The following MCRIP2 variants were observed in gnomAD, a reference collection of about 807,000 sequenced individuals.
MCRIP2 encodes MAPK regulated corepressor interacting protein 2, also known as MAPK regulated co-repressor interacting protein 2.
In MCRIP2, 21 loss-of-function variants were observed where a neutral mutation model predicts 23.2. That is an observed-to-expected ratio of 0.90 (90% CI 0.64 to 1.30). MCRIP2 has a LOEUF of 1.30. Ranked by LOEUF, MCRIP2 falls within the 50% of genes most tolerant of loss-of-function variation. The probability of loss-of-function intolerance (pLI) is 0.00; values close to 1 mark genes in which losing one functional copy is unlikely to be tolerated. For synonymous variants in MCRIP2, 121 were observed against 100.2 expected (o/e 1.21, Z -1.24); for missense variants, 234 against 223.2 (o/e 1.05, Z -0.31).
chr16:647,374 C>T (rs1322850090), intron 2 of MCRIP2, 43 bp from the exon 3 acceptor site: 1 of 1,607,172 alleles, frequency 6.2e-7, no homozygotes. Flanking sequence ...AGCACCGCAC[C>T]TGGGATGGGC....
chr16:646,337 G>C lies in MCRIP2; in HGVS notation c.183-1080G>C, dbSNP rs1680840925. The C allele has an allele frequency of 2.0e-5, 3 of 152,298 alleles. No homozygotes were observed. The South Asian group carries it at 6.2e-4, about 32-fold the overall frequency. 9.4% of individuals were successfully genotyped at this position (152,298 alleles called of 1,614,324 possible). ...GGTTTGTGCAGAAACTCAGGCAGCG[G>C]GCAGGCCTGGGAGGTGCCCCTGCCC... On this transcript the variant is annotated intron_variant, in intron 2 of 4. Transcript: ENST00000307650. This position sits in a 1 kb window ranked among gnomAD's most constrained non-coding sequence, Gnocchi z 6.5.
Position 646,965 on chromosome 16 carries a change from G to GTC in MCRIP2, c.183-452_183-451insTC. The GTC allele has an allele frequency of 7.3e-4, 119 of 162,506 alleles. No individual in the cohort carries two copies. The highest frequency in any genetic ancestry group is 4.1e-3 in the South Asian group (23 of 5,616). 10.1% of individuals were successfully genotyped at this position (162,506 alleles called of 1,614,324 possible). A position where few individuals can be genotyped will look rare whatever the true frequency, so the allele number is the denominator to read the frequency against. On this transcript the variant is annotated intron_variant, in intron 2 of 4. Coordinates refer to ENST00000307650, the MANE Select transcript of MCRIP2 (RefSeq NM_138418.4). This position sits in a 1 kb window ranked among gnomAD's most constrained non-coding sequence, Gnocchi z 6.5. ...TCGTGGAGATGGAGGTGCTTCTGTG[G>GTC]GGCGAGAATGTGGCCTAGAACTACA...
chr16:646,475 C>G lies in MCRIP2; in HGVS notation c.183-942C>G, dbSNP rs1008691358. 6.6e-6 allele frequency: 1 copy of G among 152,214 alleles called. No individual in the cohort carries two copies. Among genetic ancestry groups the G allele is most frequent in the Non-Finnish European group, 1.5e-5 (1 of 68,022 alleles). The allele number at this position is 152,214 out of a possible 1,614,324, so 9.4% of individuals were successfully genotyped here. Reference sequence around the variant, plus strand: ...AAGACACTCCTCTTTATTTTAGTGCCCCTCTCAGCTGAGGAGGAACCGAGA... The same window carrying G: ...AAGACACTCCTCTTTATTTTAGTGCGCCTCTCAGCTGAGGAGGAACCGAGA... On this transcript the variant is annotated intron_variant, in intron 2 of 4. Transcript: ENST00000307650. The surrounding 1 kb of genome is among the most constrained non-coding windows in gnomAD (Gnocchi z 6.5).
At chr16:647,650 T>A in intron 3 of MCRIP2, 106 bp downstream of exon 3, 2 of 1,536,418 alleles carry the variant, frequency 1.3e-6, no homozygotes, top group Non-Finnish European at 1.8e-6. Context: ...ATGGCTGTGC[T>A]TTTCCTTGGC....
At chr16:647,213 G>C in intron 2 of MCRIP2, 1 of 632,454 alleles carries the variant, frequency 1.6e-6, no homozygotes, top group Non-Finnish European at 2.7e-6. Flanking sequence ...CTGCAGGTGT[G>C]AGCTGAGCTG....
At chr16:644,538 G>C (rs2037429984) in intron 2 of MCRIP2, among the ~76,000 whole-genome samples, 1 of 152,118 alleles carries the variant, frequency 6.6e-6, no homozygotes, top group Non-Finnish European at 1.5e-5. Flanking sequence ...CAACCTCCCA[G>C]GTTCAAGTGA....
chr16:644,709 G>C (rs1236672859), intron 2 of MCRIP2, among the ~76,000 whole-genome samples: 1 of 151,996 alleles, frequency 6.6e-6, no homozygotes, highest in African/African-American at 2.4e-5. Context: ...GGAAGCGTTG[G>C]GGTTATAGGT....
At chr16:647,570 G>C (rs1266385897) in intron 3 of MCRIP2, 26 bp downstream of exon 3, 2 of 1,609,428 alleles carry the variant, frequency 1.2e-6, no homozygotes, top group South Asian at 2.2e-5. Context: ...AGAGGGTGCG[G>C]CATAGGCTGC....
rs2037477617 is a variant in MCRIP2, at chr16:646,200, TC to T, written c.183-1216del. 6.6e-6 allele frequency: 1 copy of T among 152,208 alleles called. No homozygotes were observed. Among genetic ancestry groups the T allele is most frequent in the Non-Finnish European group, 1.5e-5 (1 of 68,030 alleles). 9.4% of individuals were successfully genotyped at this position (152,208 alleles called of 1,614,324 possible). ...ACAGCCCCTGGCAATGTTCTTGTCT[TC>T]TTAGACATTGATAATCCAACCTCCA... On this transcript the variant is annotated intron_variant, in intron 2 of 4. Coordinates refer to ENST00000307650, the MANE Select transcript of MCRIP2 (RefSeq NM_138418.4). This position sits in a 1 kb window ranked among gnomAD's most constrained non-coding sequence, Gnocchi z 6.5.
intron 4 of MCRIP2, 52 bp downstream of exon 4, chr16:647,936 C>A: frequency 8.9e-7 from 1 of 1,127,322 alleles, no homozygotes; most frequent in South Asian, 1.4e-5. Context: ...CCCCTCTGAT[C>A]CTGACCCAGG....
chr16:644,894 C>T (rs184387290), intron 2 of MCRIP2, among the ~76,000 whole-genome samples: 75 of 152,164 alleles, frequency 4.9e-4, no homozygotes, highest in African/African-American at 1.4e-3. Context: ...CTGGTTCCTG[C>T]CAGGCATGGG....
rs1163913754 is a variant in MCRIP2, at chr16:648,250, G to A, written c.*60G>A. The A allele has an allele frequency of 7.9e-6, 12 of 1,515,612 alleles. No individual in the cohort carries two copies. Among genetic ancestry groups the A allele is most frequent in the East Asian group, 2.4e-5 (1 of 42,206 alleles). 93.9% of individuals were successfully genotyped at this position (1,515,612 alleles called of 1,614,324 possible). A position where few individuals can be genotyped will look rare whatever the true frequency, so the allele number is the denominator to read the frequency against. ...CCTGTCGCCAGGAGAGAAGCATGGC[G>A]CCCTGCCCACCCACTGCGCCTGGCT... On this transcript the variant is annotated 3_prime_UTR_variant, in exon 5 of 5. Coordinates refer to ENST00000307650, the MANE Select transcript of MCRIP2 (RefSeq NM_138418.4).
chr16:643,936 A>C (rs887818707), intron 2 of MCRIP2, among the ~76,000 whole-genome samples: 3 of 152,156 alleles, frequency 2.0e-5, no homozygotes, highest in African/African-American at 7.2e-5. Context: ...AGCCCTGGGC[A>C]GGGCAGGATG....
intron 2 of MCRIP2, chr16:647,115 G>A: frequency 2.4e-6 from 1 of 425,336 alleles, no homozygotes; most frequent in Non-Finnish European, 4.3e-6. Context: ...TCGGGGAGGG[G>A]TACTGAGTGG....
chr16:647,271 G>C, intron 2 of MCRIP2, 146 bp from the exon 3 acceptor site: 2 of 1,126,904 alleles, frequency 1.8e-6, no homozygotes, highest in Non-Finnish European at 2.5e-6. Flanking sequence ...CGGCTGCTGT[G>C]GGTGGCTGCT....
chr16:648,219 G>C lies in MCRIP2; in HGVS notation c.*29G>C. The C allele has an allele frequency of 6.3e-6, 10 of 1,591,122 alleles. No homozygotes were observed. The highest frequency in any genetic ancestry group is 7.7e-6 in the Non-Finnish European group (9 of 1,168,292). On this transcript the variant is annotated 3_prime_UTR_variant, in exon 5 of 5. Coordinates refer to ENST00000307650, the MANE Select transcript of MCRIP2 (RefSeq NM_138418.4). ...CTGCTGGGAGGGGGCGCTGCTACACGGCCGACCTGTCGCCAGGAGAGAAGC... is the reference window on the plus strand; with the variant it reads ...CTGCTGGGAGGGGGCGCTGCTACACCGCCGACCTGTCGCCAGGAGAGAAGC...
rs2037474901 is a variant in MCRIP2, at chr16:646,108, C to A, written c.183-1309C>A. On this transcript the variant is annotated intron_variant, in intron 2 of 4. Transcript: ENST00000307650. The surrounding 1 kb of genome is among the most constrained non-coding windows in gnomAD (Gnocchi z 6.5). ...GCAGCAGCCTTACGTAACCAGAGCC[C>A]CTGGGGCGGTGCCTGCCTCCTGGGG... 6.6e-6 allele frequency: 1 copy of A among 152,252 alleles called. No individual in the cohort carries two copies. Among genetic ancestry groups the A allele is most frequent in the African/African-American group, 2.4e-5 (1 of 41,458 alleles). The allele number at this position is 152,252 out of a possible 1,614,324, so 9.4% of individuals were successfully genotyped here.
Position 641,918 on chromosome 16 carries a change from G to T in MCRIP2, c.-74G>T. ...CCGCCCCCTCCCCGCGGCGCCCGCA[G>T]TCCGTTAAGTGCGAGCCCCGGCGCA... On this transcript the variant is annotated 5_prime_UTR_variant, in exon 1 of 5. Coordinates refer to ENST00000307650, the MANE Select transcript of MCRIP2 (RefSeq NM_138418.4). 1.6e-6 allele frequency: 2 copies of T among 1,232,882 alleles called. No individual in the cohort carries two copies. The highest frequency in any genetic ancestry group is 2.0e-6 in the Non-Finnish European group (2 of 980,698). 76.4% of individuals were successfully genotyped at this position (1,232,882 alleles called of 1,614,324 possible).
In MCRIP2 at chr16:641,839, G is replaced by C. The variant is rs993226928; in HGVS notation, c.-153G>C. ...CAAGCGCCGCCTCCGCCGCGTGTCCGGGGTCAGCCCGAGCCCGTGCGGGCC... is the reference window on the plus strand; with the variant it reads ...CAAGCGCCGCCTCCGCCGCGTGTCCCGGGTCAGCCCGAGCCCGTGCGGGCC... On this transcript the variant is annotated 5_prime_UTR_variant, in exon 1 of 5. Transcript: ENST00000307650. The C allele has an allele frequency of 2.7e-4, 175 of 639,724 alleles. 2 individuals are homozygous for C. In the African/African-American group the frequency reaches 3.2e-3, roughly 12 times the overall value. The allele number at this position is 639,724 out of a possible 1,614,324, so 39.6% of individuals were successfully genotyped here.
Sources: gnomAD v4.1 joint callset for allele counts (sites outside exome capture counted in the v4.1 genomes callset) on GRCh38, gnomAD v4.1.1 for gene constraint, Gnocchi (gnomAD v3.1) non-coding constraint, MANE v1.5 for transcripts, NCBI Gene and HGNC (gene_info 2026-07-23, HGNC 2026-07-21) for gene names.